Variants in RHPN2 observed in about 807,000 individuals in gnomAD.
RHPN2 encodes rhophilin Rho GTPase binding protein 2.
In RHPN2, 40 loss-of-function variants were observed where a neutral mutation model predicts 79.0. The observed-to-expected ratio is 0.51, with a 90% CI of 0.39 to 0.66. The LOEUF (loss-of-function observed/expected upper bound fraction) is 0.66. Ranked by LOEUF, RHPN2 falls within the 30% of genes least tolerant of loss-of-function variation. The pLI is 0.00. For synonymous variants in RHPN2, 285 were observed against 363.5 expected (o/e 0.78, Z 2.46); for missense variants, 686 against 883.5 (o/e 0.78, Z 2.83).
At chr19:33,015,993 T>C (rs987232418) in intron 4 of RHPN2, among the ~76,000 whole-genome samples, 8 of 152,042 alleles carry the variant, frequency 5.3e-5, no homozygotes, top group South Asian at 2.1e-4. Flanking sequence ...GAGGTTGCAG[T>C]GAGCCAAGAT....
intron 2 of RHPN2, among the ~76,000 whole-genome samples, chr19:33,042,950 G>C (rs1172776091): frequency 2.0e-5 from 3 of 151,902 alleles, no homozygotes; most frequent in Admixed American, 6.6e-5. Flanking sequence ...ACGGTGGCGG[G>C]CACCTGTAAT....
intron 1 of RHPN2, among the ~76,000 whole-genome samples, chr19:33,058,712 G>A (rs909871781): frequency 1.3e-5 from 2 of 152,186 alleles, no homozygotes; most frequent in East Asian, 1.9e-4. Context: ...CCCGGGAGGC[G>A]GAGGTTGCAG....
intron 2 of RHPN2, among the ~76,000 whole-genome samples, chr19:33,036,016 C>G (rs750762277): frequency 7.9e-5 from 12 of 151,376 alleles, no homozygotes; most frequent in Non-Finnish European, 1.3e-4. Flanking sequence ...ACTCGGCAAG[C>G]TGAGGCAGGA....
At chr19:32,993,335 G>A (rs1971676050) in intron 12 of RHPN2, among the ~76,000 whole-genome samples, 1 of 151,766 alleles carries the variant, frequency 6.6e-6, no homozygotes, top group South Asian at 2.1e-4. Context: ...TTAGCTGAGC[G>A]TAGTGGCACA....
intron 2 of RHPN2, among the ~76,000 whole-genome samples, chr19:33,031,092 C>T (rs377418246): frequency 2.0e-5 from 3 of 152,122 alleles, no homozygotes; most frequent in Non-Finnish European, 2.9e-5. Flanking sequence ...GAGGTGTACA[C>T]GGCAAGTTAT....
At chr19:32,998,748 G>T (rs148227456) in intron 10 of RHPN2, among the ~76,000 whole-genome samples, 4 of 145,642 alleles carry the variant, frequency 2.7e-5, no homozygotes, top group African/African-American at 5.1e-5. Flanking sequence ...AGAGAGGAGA[G>T]GAAAGGGAGA....
In RHPN2 at chr19:32,981,306, G is replaced by C. The variant is rs565881486; in HGVS notation, c.1801-1050C>G. On this transcript the variant is annotated intron_variant, in intron 14 of 14. Coordinates refer to ENST00000254260, the MANE Select transcript of RHPN2 (RefSeq NM_033103.5). Reference sequence around the variant, plus strand: ...CAGTCCCAGCTACCTGGGAGGCTTAGAGGGGAAGATTGCTTGAGCCCAGGA... The same window carrying C: ...CAGTCCCAGCTACCTGGGAGGCTTACAGGGGAAGATTGCTTGAGCCCAGGA... Among the ~76,000 whole-genome samples the C allele has an allele frequency of 2.4e-4, 37 of 151,546 alleles. 1 individual carries two copies. The South Asian group carries it at 7.5e-3, about 31-fold the overall frequency.
chr19:33,013,978 C>T (rs1330682382), intron 4 of RHPN2, among the ~76,000 whole-genome samples: 1 of 151,818 alleles, frequency 6.6e-6, no homozygotes, highest in Admixed American at 6.6e-5. Context: ...CAGGCTGAAG[C>T]AATCCTCCTA....
At position 33,032,471 on chromosome 19, in the gene RHPN2, G is replaced by C. The variant is rs1341263134; in HGVS notation, c.186-5839C>G. On this transcript the variant is annotated intron_variant, in intron 2 of 14. Coordinates refer to ENST00000254260, the MANE Select transcript of RHPN2 (RefSeq NM_033103.5). Reference sequence around the variant, plus strand: ...CTCTCACCATGGCTTGTGCTTTCTGGGGATCAGCATCCATTCTAAAGCCTC... The same window carrying C: ...CTCTCACCATGGCTTGTGCTTTCTGCGGATCAGCATCCATTCTAAAGCCTC... 1.3e-5 allele frequency among the ~76,000 whole-genome samples: 2 copies of C among 151,996 alleles called. 1 individual carries two copies. The highest frequency in any genetic ancestry group is 2.9e-5 in the Non-Finnish European group (2 of 68,004).
chr19:32,983,629 C>A (rs1416694979), intron 14 of RHPN2, among the ~76,000 whole-genome samples: 1 of 126,930 alleles, frequency 7.9e-6, no homozygotes, highest in Non-Finnish European at 1.6e-5. Flanking sequence ...TTTTAAAAGC[C>A]TTTTTTTTTT....
chr19:32,989,387 G>A (rs542382518), intron 14 of RHPN2, among the ~76,000 whole-genome samples: 1 of 152,134 alleles, frequency 6.6e-6, no homozygotes, highest in Non-Finnish European at 1.5e-5. Flanking sequence ...CAGATTACAG[G>A]CATGAGCACC....
At chr19:33,030,440 A>G (rs1367571395) in intron 2 of RHPN2, among the ~76,000 whole-genome samples, 6 of 152,024 alleles carry the variant, frequency 3.9e-5, no homozygotes, top group Non-Finnish European at 7.4e-5. Flanking sequence ...TAAAAAGACA[A>G]AAATTAGCCA....
chr19:33,044,084 TA>T (rs1972122813), intron 2 of RHPN2, among the ~76,000 whole-genome samples, 164 bp downstream of exon 2: 1 of 103,094 alleles, frequency 9.7e-6, no homozygotes, highest in Non-Finnish European at 1.9e-5. Context: ...ACAGGCGGGG[TA>T]AAATATCTGT....
At chr19:33,019,851 A>G (rs2076776849) in intron 4 of RHPN2, among the ~76,000 whole-genome samples, 1 of 152,114 alleles carries the variant, frequency 6.6e-6, no homozygotes, top group Non-Finnish European at 1.5e-5. Flanking sequence ...TCCTATAACC[A>G]ATGCCTGGGC....
chr19:33,056,040 C>G (rs1329512895), intron 1 of RHPN2, among the ~76,000 whole-genome samples: 1 of 151,826 alleles, frequency 6.6e-6, no homozygotes, highest in Non-Finnish European at 1.5e-5. Context: ...CATTTTGGGC[C>G]TTTCAATGGC....
Position 33,011,722 on chromosome 19 carries a change from G to C in RHPN2, c.550C>G (p.Arg184Gly), listed in dbSNP as rs745316274. The C allele has an allele frequency of 1.2e-6, 2 of 1,613,932 alleles. No homozygotes were observed. The highest frequency in any genetic ancestry group is 1.7e-6 in the Non-Finnish European group (2 of 1,179,860). The change falls in exon 6 of 15, where the codon CGA (arginine) becomes GGA (glycine). Residue 184 changes from arginine (R) to glycine (G), a missense_variant. Coordinates refer to ENST00000254260, the MANE Select transcript of RHPN2 (RefSeq NM_033103.5). ...YFIQLGFVESRFFPPTRQMGL... is the reference protein window; with the variant it reads ...YFIQLGFVESGFFPPTRQMGL... ...ATCTGCCGTGTGGGCGGGAAGAATC[G>C]ACTCTCGACAAAGCCCAGCTGGATG...
chr19:32,996,163 C>T lies in RHPN2; in HGVS notation c.1283G>A (p.Ser428Asn), dbSNP rs1405871614. Reference sequence around the variant, plus strand: ...AATGCTCCGCAGCTTCTTGCAGAGGCTGGCCTCCCGCACCGACTCCTCGTG... The same window carrying T: ...AATGCTCCGCAGCTTCTTGCAGAGGTTGGCCTCCCGCACCGACTCCTCGTG... ...AHHEESVREA[S>N]LCKKLRSIEV... The change falls in exon 11 of 15, where the codon AGC becomes AAC. Residue 428 changes from serine to asparagine, a missense_variant. Ser to Asn is a conservative substitution (Grantham distance 46). Coordinates refer to ENST00000254260, the MANE Select transcript of RHPN2 (RefSeq NM_033103.5). 6.2e-7 allele frequency: 1 copy of T among 1,614,184 alleles called. No individual in the cohort carries two copies. Among genetic ancestry groups the T allele is most frequent in the East Asian group, 2.2e-5 (1 of 44,872 alleles).
intron 3 of RHPN2, among the ~76,000 whole-genome samples, chr19:33,021,953 A>AT (rs1425001778): frequency 3.4e-5 from 5 of 149,150 alleles, no homozygotes; most frequent in Non-Finnish European, 1.5e-5. Context: ...TTTTATTATT[A>AT]TTTTTTTTAG....
intron 1 of RHPN2, 29 bp downstream of exon 1, chr19:33,064,755 T>TGGGGGC: frequency 1.3e-5 from 18 of 1,427,884 alleles, no homozygotes; most frequent in Non-Finnish European, 1.7e-5. Context: ...AGCCCGCAGG[T>TGGGGGC]CCCCGCCCGC....
Sources: gnomAD v4.1 joint callset for allele counts (sites outside exome capture counted in the v4.1 genomes callset) on GRCh38, gnomAD v4.1.1 for gene constraint, MANE v1.5 for transcripts, NCBI Gene and HGNC (gene_info 2026-07-23, HGNC 2026-07-21) for gene names.